LRMDA: variants seen among roughly 807,000 people sequenced by gnomAD.
LRMDA encodes leucine-rich melanocyte differentiation-associated protein.
A neutral mutation model predicts 29.8 loss-of-function variants in LRMDA; 18 were observed. The ratio of observed to expected loss-of-function variants is 0.60; its 90% CI spans 0.42 to 0.90. LRMDA has a LOEUF of 0.90. LRMDA is among the 40% of genes least tolerant of loss of function. LRMDA has a pLI of 0.00. For missense variants in LRMDA, 273 were observed against 273.9 expected (o/e 1.00, Z 0.02); for synonymous variants, 125 against 109.4 (o/e 1.14, Z -0.89).
At chr10:76,131,838 C>T (rs1849998651) in intron 5 of LRMDA, among the ~76,000 whole-genome samples, 1 of 152,104 alleles carries the variant, frequency 6.6e-6, no homozygotes, top group Non-Finnish European at 1.5e-5. Context: ...TGTCAGCTAC[C>T]AAGGATCTAT....
chr10:75,799,201 TA>T (rs1469613466), intron 2 of LRMDA, among the ~76,000 whole-genome samples: 1 of 152,230 alleles, frequency 6.6e-6, no homozygotes, highest in Non-Finnish European at 1.5e-5. Flanking sequence ...TTTTTTCTTT[TA>T]CCTCTGTCTA....
intron 2 of LRMDA, among the ~76,000 whole-genome samples, chr10:75,946,478 C>G (rs1846478197): frequency 1.3e-5 from 2 of 152,256 alleles, no homozygotes; most frequent in East Asian, 3.9e-4. Context: ...GGAATTGGTG[C>G]ACCAGCCATA....
intron 2 of LRMDA, among the ~76,000 whole-genome samples, chr10:75,845,629 C>T (rs1230638828): frequency 1.3e-5 from 2 of 152,156 alleles, no homozygotes; most frequent in Non-Finnish European, 2.9e-5. Context: ...AGCTCTGTGA[C>T]CATTTTAGCC....
intron 5 of LRMDA, among the ~76,000 whole-genome samples, chr10:76,214,498 C>T (rs1481846948): frequency 6.6e-6 from 1 of 151,154 alleles, no homozygotes; most frequent in Non-Finnish European, 1.5e-5. Flanking sequence ...GCGCCCACCA[C>T]CGCGCCCGGC....
chr10:76,082,534 G>A (rs557403106), intron 5 of LRMDA, among the ~76,000 whole-genome samples: 8 of 152,164 alleles, frequency 5.3e-5, no homozygotes, highest in African/African-American at 1.9e-4. Context: ...GATGTTTATT[G>A]CTCACCGAGA....
intron 6 of LRMDA, chr10:76,464,888 G>C (rs12777728): frequency 6.6e-6 from 1 of 151,962 alleles, no homozygotes; most frequent in African/African-American, 2.4e-5. Context: ...CATGTGACAC[G>C]GGAAGACAAT....
chr10:76,529,053 A>G (rs1490107810), intron 6 of LRMDA, among the ~76,000 whole-genome samples: 3 of 152,090 alleles, frequency 2.0e-5, no homozygotes. Flanking sequence ...CGTTAAGAAA[A>G]TCTCGCATGT....
chr10:75,485,374 T>C (rs1341574687), intron 2 of LRMDA, among the ~76,000 whole-genome samples: 1 of 152,126 alleles, frequency 6.6e-6, no homozygotes, highest in Admixed American at 6.6e-5. Flanking sequence ...ATTTTAATGA[T>C]GCCTGGATTT....
At chr10:75,481,913 T>G (rs888093890) in intron 2 of LRMDA, among the ~76,000 whole-genome samples, 2 of 152,214 alleles carry the variant, frequency 1.3e-5, no homozygotes, top group Non-Finnish European at 2.9e-5. Context: ...GCTTCATTCC[T>G]ACTTGTCTTT....
chr10:76,504,467 G>T (rs1842940579), intron 6 of LRMDA, among the ~76,000 whole-genome samples: 1 of 151,898 alleles, frequency 6.6e-6, no homozygotes, highest in Non-Finnish European at 1.5e-5. Flanking sequence ...GGGTCTTCTT[G>T]TAGTTGTTTT....
intron 2 of LRMDA, among the ~76,000 whole-genome samples, chr10:75,563,786 A>G (rs1212607990): frequency 1.3e-5 from 2 of 152,138 alleles, no homozygotes; most frequent in Non-Finnish European, 2.9e-5. Flanking sequence ...GGAGTTTGCT[A>G]GAGATCCACT....
At chr10:75,747,012 A>G (rs1010464140) in intron 2 of LRMDA, among the ~76,000 whole-genome samples, 1 of 152,142 alleles carries the variant, frequency 6.6e-6, no homozygotes, top group African/African-American at 2.4e-5. Flanking sequence ...GAAGATATCT[A>G]TGGGAATTAG....
At chr10:76,457,397 CA>C (rs1337973429) in intron 6 of LRMDA, among the ~76,000 whole-genome samples, 1 of 152,138 alleles carries the variant, frequency 6.6e-6, no homozygotes, top group Admixed American at 6.6e-5. Context: ...GCCCGATGTG[CA>C]TGTTTCCAGC....
chr10:75,592,245 G>GC (rs1250137639), intron 2 of LRMDA, among the ~76,000 whole-genome samples: 1 of 152,164 alleles, frequency 6.6e-6, no homozygotes, highest in African/African-American at 2.4e-5. Flanking sequence ...CAGCTGCCCT[G>GC]CCTCTGCCCG....
intron 2 of LRMDA, among the ~76,000 whole-genome samples, chr10:75,635,045 C>CT (rs1564527432): frequency 6.6e-6 from 1 of 152,098 alleles, no homozygotes; most frequent in Admixed American, 6.5e-5. Flanking sequence ...TTCCTTGACA[C>CT]TTTTTTAAGA....
Position 76,167,081 on chromosome 10 carries a change from A to C in LRMDA, c.516+108298A>C, listed in dbSNP as rs540254850. On this transcript the variant is annotated intron_variant, in intron 5 of 6. Coordinates refer to ENST00000611255, the MANE Select transcript of LRMDA (RefSeq NM_001305581.2). ...TATCAGTGATGTTGAGCTTTTTTTCATATGCTTGCTGGCCACATGTATGTC... is the reference window on the plus strand; with the variant it reads ...TATCAGTGATGTTGAGCTTTTTTTCCTATGCTTGCTGGCCACATGTATGTC... Among the ~76,000 whole-genome samples, 3 of 152,098 alleles carry C rather than the reference A, an allele frequency of 2.0e-5. No individual in the cohort carries two copies. The East Asian group carries it at 5.8e-4, about 29-fold the overall frequency.
intron 6 of LRMDA, among the ~76,000 whole-genome samples, chr10:76,445,372 G>A (rs181139800): frequency 2.0e-5 from 3 of 152,298 alleles, no homozygotes; most frequent in African/African-American, 7.2e-5. Flanking sequence ...GTCTTGGCAA[G>A]AGCAGGTTCT....
chr10:76,329,892 C>T (rs1305571416), intron 6 of LRMDA, among the ~76,000 whole-genome samples: 9 of 152,146 alleles, frequency 5.9e-5, no homozygotes, highest in South Asian at 2.1e-4. Context: ...TCATAAAATA[C>T]GTTTCCACAG....
At chr10:76,471,096 G>A (rs371264415) in intron 6 of LRMDA, among the ~76,000 whole-genome samples, 17 of 151,850 alleles carry the variant, frequency 1.1e-4, no homozygotes, top group East Asian at 3.9e-4. Context: ...AGGAAATGGC[G>A]CCAGATGGTA....
Sources: allele counts gnomAD v4.1 joint callset (sites outside exome capture counted in the v4.1 genomes callset), GRCh38; gene constraint gnomAD v4.1.1; transcripts MANE v1.5; gene names NCBI Gene and HGNC (gene_info 2026-07-23, HGNC 2026-07-21).